Variants in INPP4B observed in about 807,000 individuals in gnomAD.
INPP4B encodes the protein inositol polyphosphate-4-phosphatase type II B.
A neutral mutation model predicts 122.5 loss-of-function variants in INPP4B; 55 were observed. The observed-to-expected ratio is 0.45, with a 90% CI of 0.36 to 0.56. INPP4B has a LOEUF of 0.56. Among genes scored for constraint, INPP4B ranks in the 20% least tolerant of loss-of-function variants. The probability of loss-of-function intolerance (pLI) is 0.00; values close to 1 mark genes in which losing one functional copy is unlikely to be tolerated. For missense variants in INPP4B, 1,000 were observed against 1,097.7 expected (o/e 0.91, Z 1.26); for synonymous variants, 403 against 388.7 (o/e 1.04, Z -0.43).
At chr4:142,374,852 G>T (rs767251780) in intron 7 of INPP4B, among the ~76,000 whole-genome samples, 1 of 151,748 alleles carries the variant, frequency 6.6e-6, no homozygotes, top group African/African-American at 2.4e-5. Flanking sequence ...ATCCAAGGAA[G>T]GAACTGTAAT....
At chr4:142,643,144 C>T (rs1469802743) in intron 2 of INPP4B, among the ~76,000 whole-genome samples, 1 of 152,082 alleles carries the variant, frequency 6.6e-6, no homozygotes, top group Non-Finnish European at 1.5e-5. Flanking sequence ...GCTGAAGTTA[C>T]TTATCAGCTT....
intron 2 of INPP4B, among the ~76,000 whole-genome samples, chr4:142,537,429 T>TATATATATATATATAGAG (rs1200701380): frequency 1.0e-3 from 26 of 25,480 alleles, no homozygotes; most frequent in Non-Finnish European, 2.1e-3. Flanking sequence ...TATATATATA[T>TATATATATATATATAGAG]AGAGAGAGAG....
At chr4:142,106,532 G>A (rs1266122045) in intron 23 of INPP4B, among the ~76,000 whole-genome samples, 1 of 152,160 alleles carries the variant, frequency 6.6e-6, no homozygotes, top group African/African-American at 2.4e-5. Context: ...AAGAGTTTAA[G>A]TTACTTGAAT....
chr4:142,242,776 C>T (rs1340845174), intron 11 of INPP4B, among the ~76,000 whole-genome samples: 1 of 152,204 alleles, frequency 6.6e-6, no homozygotes, highest in Non-Finnish European at 1.5e-5. Flanking sequence ...ATAGATGTCT[C>T]TCCTTTTTAC....
intron 16 of INPP4B, among the ~76,000 whole-genome samples, chr4:142,171,424 G>A (rs987379429): frequency 6.6e-6 from 1 of 151,764 alleles, no homozygotes; most frequent in African/African-American, 2.4e-5. Context: ...TGAAGTAAAC[G>A]TTTTTATTTT....
At chr4:142,427,027 T>C (rs1808241856) in intron 5 of INPP4B, 1 of 152,012 alleles carries the variant, frequency 6.6e-6, no homozygotes, top group Non-Finnish European at 1.5e-5. Flanking sequence ...ATTCTTTCAT[T>C]GGGAAATGAA....
chr4:142,535,413 C>T (rs1828069072), intron 2 of INPP4B, among the ~76,000 whole-genome samples: 1 of 152,158 alleles, frequency 6.6e-6, no homozygotes, highest in South Asian at 2.1e-4. Flanking sequence ...TTTCTGTGCC[C>T]ATGGCAGATC....
intron 11 of INPP4B, among the ~76,000 whole-genome samples, chr4:142,247,831 A>G (rs1048730056): frequency 6.6e-6 from 1 of 152,182 alleles, no homozygotes; most frequent in Non-Finnish European, 1.5e-5. Context: ...AGACTTAAGG[A>G]AAGTAATATT....
intron 1 of INPP4B, among the ~76,000 whole-genome samples, chr4:142,770,045 T>C (rs1205356385): frequency 6.6e-6 from 1 of 152,228 alleles, no homozygotes; most frequent in Non-Finnish European, 1.5e-5. Context: ...TGGGAAGTCA[T>C]TGAAGACCAA....
chr4:142,503,311 A>C (rs1175960158), intron 2 of INPP4B, among the ~76,000 whole-genome samples: 1 of 152,176 alleles, frequency 6.6e-6, no homozygotes, highest in Non-Finnish European at 1.5e-5. Context: ...AGAGTTAATG[A>C]AAGAGTACAG....
chr4:142,255,808 CA>C (rs1554018960), intron 11 of INPP4B, among the ~76,000 whole-genome samples: 1 of 151,638 alleles, frequency 6.6e-6, no homozygotes, highest in Non-Finnish European at 1.5e-5. Flanking sequence ...GACAGAAAGT[CA>C]ACAAGGATAC....
At chr4:142,692,489 C>T (rs1010536805) in intron 2 of INPP4B, among the ~76,000 whole-genome samples, 1 of 152,084 alleles carries the variant, frequency 6.6e-6, no homozygotes, top group Non-Finnish European at 1.5e-5. Flanking sequence ...TCGCTTGAGC[C>T]CAGGAGTTCC....
chr4:142,764,806 T>C (rs1390499716), intron 1 of INPP4B, among the ~76,000 whole-genome samples: 1 of 151,762 alleles, frequency 6.6e-6, no homozygotes, highest in East Asian at 1.9e-4. Context: ...CTGGAGATCC[T>C]CAGATACACA....
intron 2 of INPP4B, among the ~76,000 whole-genome samples, chr4:142,516,345 T>C (rs377422467): frequency 2.6e-5 from 4 of 152,266 alleles, no homozygotes; most frequent in South Asian, 4.1e-4. Flanking sequence ...GGATACGGGA[T>C]TTAATAATAA....
intron 25 of INPP4B, among the ~76,000 whole-genome samples, chr4:142,033,246 G>A (rs1741524329): frequency 6.6e-6 from 1 of 152,112 alleles, no homozygotes; most frequent in Admixed American, 6.6e-5. Flanking sequence ...CATAAACTTG[G>A]TTCTGTCCAC....
intron 11 of INPP4B, among the ~76,000 whole-genome samples, chr4:142,253,643 C>A (rs1489096869): frequency 2.0e-5 from 3 of 152,166 alleles, no homozygotes; most frequent in Non-Finnish European, 4.4e-5. Context: ...TGTGCTTTTC[C>A]GACGGGCTTA....
At chr4:142,074,721 C>A (rs557062433) in intron 25 of INPP4B, among the ~76,000 whole-genome samples, 2 of 152,094 alleles carry the variant, frequency 1.3e-5, no homozygotes, top group African/African-American at 4.8e-5. Flanking sequence ...ATAACTAGAT[C>A]TAAAATAAAT....
intron 1 of INPP4B, among the ~76,000 whole-genome samples, chr4:142,759,473 A>G (rs1378839104): frequency 6.6e-6 from 1 of 152,106 alleles, no homozygotes; most frequent in African/African-American, 2.4e-5. Flanking sequence ...TGATGATATC[A>G]ACTCAAAATG....
chr4:142,431,879 C>A (rs1809401634), intron 3 of INPP4B, among the ~76,000 whole-genome samples: 1 of 152,076 alleles, frequency 6.6e-6, no homozygotes. Context: ...GATGAGCCAA[C>A]AGGTTGTACA....
Sources: allele counts gnomAD v4.1 joint callset (sites outside exome capture counted in the v4.1 genomes callset), GRCh38; gene constraint gnomAD v4.1.1; transcripts MANE v1.5; gene names NCBI Gene and HGNC (gene_info 2026-07-23, HGNC 2026-07-21).